The following CSMD3 variants were observed in gnomAD, a reference collection of about 807,000 sequenced individuals.
CSMD3 encodes CUB and Sushi multiple domains 3.
CSMD3 carries 177 observed loss-of-function variants against 435.2 expected under a neutral mutation model. The ratio of observed to expected loss-of-function variants is 0.41; its 90% CI spans 0.36 to 0.46. The LOEUF is 0.46. Ranked by LOEUF, CSMD3 falls within the 20% of genes least tolerant of loss-of-function variation. The pLI is 0.34. For missense variants in CSMD3, 4,265 were observed against 4,504.6 expected (o/e 0.95, Z 1.52); for synonymous variants, 1,656 against 1,520.5 (o/e 1.09, Z -2.07).
At chr8:113,295,474 AT>A (rs1290121575) in intron 2 of CSMD3, among the ~76,000 whole-genome samples, 8 of 152,216 alleles carry the variant, frequency 5.3e-5, no homozygotes, top group Admixed American at 3.3e-4. Flanking sequence ...AACATAAAAA[AT>A]AATACTGTTT....
chr8:113,318,886 G>A lies in CSMD3; in HGVS notation c.179-4093C>T, dbSNP rs1330252115. Reference sequence around the variant, plus strand: ...ATATCCCCTTTTTAAGGCTGAATAAGATTCCATTTTGTGTGTGAGTATGTA... The same window carrying A: ...ATATCCCCTTTTTAAGGCTGAATAAAATTCCATTTTGTGTGTGAGTATGTA... On this transcript the variant is annotated intron_variant, in intron 1 of 70. Coordinates refer to ENST00000297405, the MANE Select transcript of CSMD3 (RefSeq NM_198123.2). Among the ~76,000 whole-genome samples, 3 of 150,694 alleles carry A rather than the reference G, an allele frequency of 2.0e-5. No homozygotes were observed. In the East Asian group the frequency reaches 5.9e-4, roughly 29 times the overall value.
intron 49 of CSMD3, among the ~76,000 whole-genome samples, chr8:112,311,381 T>A (rs141236153): frequency 1.3e-5 from 2 of 152,290 alleles, no homozygotes; most frequent in African/African-American, 4.8e-5. Context: ...TGAGCTTTCT[T>A]CCAATTTATA....
chr8:113,160,268 C>G (rs1293009723), intron 4 of CSMD3, among the ~76,000 whole-genome samples: 2 of 151,644 alleles, frequency 1.3e-5, no homozygotes, highest in Non-Finnish European at 2.9e-5. Flanking sequence ...TATTTTTCTT[C>G]TATATTAACA....
intron 3 of CSMD3, among the ~76,000 whole-genome samples, chr8:113,242,647 T>G (rs1472439377): frequency 6.6e-6 from 1 of 152,024 alleles, no homozygotes; most frequent in African/African-American, 2.4e-5. Context: ...CCTTTTTATT[T>G]TTTAATAGAA....
rs1344747257 is a variant in CSMD3 at position 112,638,772 on chromosome 8, A to G, written c.3450T>C (p.Tyr1150=). 6.2e-7 allele frequency: 1 copy of G among 1,612,790 alleles called. No homozygotes were observed. The highest frequency in any genetic ancestry group is 8.5e-7 in the Non-Finnish European group (1 of 1,179,010). ...AACGCAATTGAGCCCTGAAATTTCC[A>G]TAGAGACCAGCATTGATTGTTGGAG... ...DLPPTINAGL[Y]GNFRAQLRFI... Residue 1150 remains tyrosine (Y), a synonymous_variant, in exon 21 of 71, where the codon TAT becomes TAC. Coordinates refer to ENST00000297405, the MANE Select transcript of CSMD3 (RefSeq NM_198123.2).
At chr8:113,015,298 T>G (rs895329526) in intron 6 of CSMD3, among the ~76,000 whole-genome samples, 11 of 152,104 alleles carry the variant, frequency 7.2e-5, no homozygotes, top group Non-Finnish European at 2.9e-5. Context: ...GATCATAGCC[T>G]ATTTGAGAAT....
intron 5 of CSMD3, among the ~76,000 whole-genome samples, chr8:113,050,252 A>G (rs2088030113): frequency 6.6e-6 from 1 of 152,026 alleles, no homozygotes; most frequent in South Asian, 2.1e-4. Flanking sequence ...GGGTGTATAT[A>G]CATATATATA....
chr8:112,820,809 C>T (rs988587713), intron 12 of CSMD3, among the ~76,000 whole-genome samples: 4 of 152,038 alleles, frequency 2.6e-5, no homozygotes, highest in African/African-American at 9.7e-5. Context: ...TTCTCTCTTC[C>T]TCCACTCACC....
rs533199050 is a variant in CSMD3 at position 112,489,152 on chromosome 8, T to C, written c.5278+3337A>G. 2.4e-3 allele frequency among the ~76,000 whole-genome samples: 365 copies of C among 152,314 alleles called. 3 individuals carry two copies. The highest frequency in any genetic ancestry group is 4.3e-3 in the Non-Finnish European group (294 of 68,016). Reference sequence around the variant, plus strand: ...ATTAAGTTAGGCCAGGTGTGGTGGCTCATGCCTGTAATCCCAGCATTGTGG... The same window carrying C: ...ATTAAGTTAGGCCAGGTGTGGTGGCCCATGCCTGTAATCCCAGCATTGTGG... On this transcript the variant is annotated intron_variant, in intron 31 of 70. Transcript: ENST00000297405.
chr8:112,627,569 A>G (rs891350153), intron 22 of CSMD3, among the ~76,000 whole-genome samples: 1 of 152,206 alleles, frequency 6.6e-6, no homozygotes, highest in African/African-American at 2.4e-5. Context: ...CTTACCAATT[A>G]GCAGTCAAAT....
chr8:112,812,833 A>T (rs2079265001), intron 12 of CSMD3, among the ~76,000 whole-genome samples: 1 of 152,208 alleles, frequency 6.6e-6, no homozygotes, highest in African/African-American at 2.4e-5. Flanking sequence ...TGCTAAAATG[A>T]GATAAAGTCC....
At chr8:112,385,110 C>T (rs1040290881) in intron 36 of CSMD3, among the ~76,000 whole-genome samples, 6 of 151,802 alleles carry the variant, frequency 4.0e-5, no homozygotes, top group East Asian at 3.9e-4. Context: ...ATGAAAAGTT[C>T]GAGAAAGAAT....
intron 13 of CSMD3, among the ~76,000 whole-genome samples, chr8:112,768,681 T>A (rs1386488465): frequency 1.3e-5 from 2 of 151,898 alleles, no homozygotes; most frequent in African/African-American, 4.8e-5. Flanking sequence ...CACATCAACA[T>A]GAGAACTTGC....
chr8:113,377,110 G>A (rs1007694100), intron 1 of CSMD3: 32 of 1,265,560 alleles, frequency 2.5e-5, no homozygotes, highest in Non-Finnish European at 2.9e-5. Context: ...CAAGGGCTGC[G>A]GCGTCGTCCG....
chr8:112,994,485 C>A (rs1205379304), intron 6 of CSMD3, among the ~76,000 whole-genome samples: 1 of 151,518 alleles, frequency 6.6e-6, no homozygotes. Context: ...GAAAAATTAT[C>A]ATACAGGAAA....
intron 31 of CSMD3, among the ~76,000 whole-genome samples, chr8:112,484,161 T>C (rs1358616437): frequency 6.6e-6 from 1 of 152,152 alleles, no homozygotes; most frequent in East Asian, 1.9e-4. Context: ...CTTTCCTTCT[T>C]CCAGAAATTT....
intron 7 of CSMD3, among the ~76,000 whole-genome samples, chr8:112,963,682 C>A (rs1475530179): frequency 6.6e-6 from 1 of 151,830 alleles, no homozygotes; most frequent in Non-Finnish European, 1.5e-5. Context: ...AATGCGTTGG[C>A]TGTATTGAAA....
intron 19 of CSMD3, among the ~76,000 whole-genome samples, chr8:112,647,043 ATTCGGTTT>A (rs1292826748): frequency 2.0e-5 from 3 of 151,864 alleles, no homozygotes; most frequent in Non-Finnish European, 4.4e-5. Flanking sequence ...TGCTGTAATT[ATTCGGTTT>A]ACAGATGAGA....
chr8:113,333,371 C>T (rs2094042902), intron 1 of CSMD3, among the ~76,000 whole-genome samples: 1 of 151,668 alleles, frequency 6.6e-6, no homozygotes, highest in Admixed American at 6.6e-5. Flanking sequence ...AGATTTTAAA[C>T]ATTTTTTGTA....
Sources: allele counts gnomAD v4.1 joint callset (sites outside exome capture counted in the v4.1 genomes callset), GRCh38; gene constraint gnomAD v4.1.1; transcripts MANE v1.5; gene names NCBI Gene and HGNC (gene_info 2026-07-23, HGNC 2026-07-21).